MOK: variants seen among roughly 807,000 people sequenced by gnomAD.
MOK encodes the protein MOK protein kinase, also known as MAPK/MAK/MRK overlapping kinase.
A neutral mutation model predicts 54.2 loss-of-function variants in MOK; 59 were observed. The ratio of observed to expected loss-of-function variants is 1.09; its 90% CI spans 0.88 to 1.35. MOK has a LOEUF of 1.35. MOK is among the 40% of genes most tolerant of loss of function. The probability of loss-of-function intolerance (pLI) is 0.00; values close to 1 mark genes in which losing one functional copy is unlikely to be tolerated. For synonymous variants in MOK, 210 were observed against 202.7 expected, an observed-to-expected ratio of 1.04 and a Z score of -0.31; for missense variants, 517 against 526.2, an observed-to-expected ratio of 0.98 and a Z score of 0.17.
rs775664516 is a variant in MOK, at chr14:102,233,753, G to T, written c.627C>A (p.Asp209Glu). 1.2e-6 allele frequency: 2 copies of T among 1,614,156 alleles called. No individual in the cohort carries two copies. Among genetic ancestry groups the T allele is most frequent in the Non-Finnish European group, 1.7e-6 (2 of 1,179,996 alleles). Residue 209 changes from aspartate (D) to glutamate (E), a missense_variant, in exon 8 of 12, where the codon GAC becomes GAA. Coordinates refer to ENST00000361847, the MANE Select transcript of MOK (RefSeq NM_014226.3). ...TGACATCGTGGATTTTTGAGATTTG[G>T]TCCAGTTCATTTACTCCAGGAAAGA... ...QPLFPGVNEL[D>E]QISKIHDVIG... is the part of the protein sequence containing the mutation.
At chr14:102,253,330 TG>T (rs2066681909) in intron 4 of MOK, among the ~76,000 whole-genome samples, 1 of 152,208 alleles carries the variant, frequency 6.6e-6, no homozygotes, top group Non-Finnish European at 1.5e-5. Context: ...ATGGTTTCAG[TG>T]GGAACAGCAC....
downstream of MOK, chr14:102,224,480 A>G: frequency 2.4e-6 from 1 of 412,482 alleles, no homozygotes; most frequent in Non-Finnish European, 4.8e-6. Flanking sequence ...TATTTTTTTA[A>G]AAAATCATAT....
rs1234766845 is a variant in MOK, at chr14:102,266,515, A to T, written c.123-603T>A. Among the ~76,000 whole-genome samples, 5 of 151,966 alleles carry T rather than the reference A, an allele frequency of 3.3e-5. No individual in the cohort carries two copies. In the East Asian group the frequency reaches 9.6e-4, roughly 29 times the overall value. ...TCGGCCCGCCTCAGCCACCCAAAGT[A>T]CTGTGATTACAAGCGTGAGCCACTG... On this transcript the variant is annotated intron_variant, in intron 2 of 11. Transcript: ENST00000361847.
chr14:102,263,670 A>G, intron 3 of MOK, 54 bp from the exon 4 acceptor site: 1 of 1,196,558 alleles, frequency 8.4e-7, no homozygotes, highest in South Asian at 1.4e-5. Context: ...ATCAGAAAAT[A>G]TAATCCAATA....
At chr14:102,224,795 C>T, downstream of MOK, 1 of 455,876 alleles carries the variant, frequency 2.2e-6, no homozygotes, top group Non-Finnish European at 4.4e-6. Context: ...AGTGAGTCTT[C>T]TAGAAAGAGA....
At chr14:102,229,917 G>A (rs561476991) in intron 10 of MOK, 26 of 457,342 alleles carry the variant, frequency 5.7e-5, no homozygotes, top group South Asian at 2.9e-4. Flanking sequence ...CAAAGGGCTC[G>A]CGGGCTGTGG....
chr14:102,214,984 A>G, the MOK span: 1 of 985,044 alleles, frequency 1.0e-6, no homozygotes. Context: ...CATTAAATAA[A>G]CGTGTGTGAG....
the MOK span, among the ~76,000 whole-genome samples, chr14:102,217,550 G>A: frequency 6.6e-6 from 1 of 152,218 alleles, no homozygotes; most frequent in Non-Finnish European, 1.5e-5. Flanking sequence ...TATAACTGAG[G>A]TCCCAAGCCA....
At chr14:102,219,122 G>T in the MOK span, among the ~76,000 whole-genome samples, 2 of 152,234 alleles carry the variant, frequency 1.3e-5, no homozygotes, top group African/African-American at 4.8e-5. Context: ...CTGCAGCCGG[G>T]ATCCTTCCAT....
intron 2 of MOK, among the ~76,000 whole-genome samples, chr14:102,273,150 AC>A (rs1433486533): frequency 7.9e-5 from 12 of 152,062 alleles, no homozygotes; most frequent in African/African-American, 2.9e-4. Context: ...AGCATGGGCA[AC>A]AGAGCAAAAC....
chr14:102,299,181 C>A, intron 1 of MOK, among the ~76,000 whole-genome samples: 1 of 152,084 alleles, frequency 6.6e-6, no homozygotes, highest in South Asian at 2.1e-4. Flanking sequence ...AAAAAAAAGA[C>A]AGTTTAAACC....
rs1411598080 is a variant in MOK at position 102,250,971 on chromosome 14, C to T, written c.431G>A (p.Gly144Glu). Residue 144 changes from glycine to glutamate, a missense_variant, in exon 7 of 12, where the codon GGG becomes GAG. Coordinates refer to ENST00000361847, the MANE Select transcript of MOK (RefSeq NM_014226.3). ...ILIKQDVLKL[G>E]DFGSCRSVYS... Reference sequence around the variant, plus strand: ...GACACTCCGGCAGGAGCCAAAGTCCCCTAATTTCAGGACATCCTGCTGGAA... The same window carrying T: ...GACACTCCGGCAGGAGCCAAAGTCCTCTAATTTCAGGACATCCTGCTGGAA... The T allele has an allele frequency of 6.2e-7, 1 of 1,613,868 alleles. No homozygotes were observed. The highest frequency in any genetic ancestry group is 8.5e-7 in the Non-Finnish European group (1 of 1,180,000).
At chr14:102,224,564 T>A (rs1001299600), downstream of MOK, 2 of 455,970 alleles carry the variant, frequency 4.4e-6, no homozygotes, top group Non-Finnish European at 8.8e-6. Flanking sequence ...TTTCTCTAAT[T>A]CATCACATTA....
intron 1 of MOK, among the ~76,000 whole-genome samples, chr14:102,294,321 G>C (rs534939150): frequency 9.2e-4 from 140 of 151,390 alleles, no homozygotes; most frequent in Non-Finnish European, 1.8e-3. Context: ...TGGTGGGCAC[G>C]TGTAGTCCCA....
rs1363102718 is a variant in MOK at position 102,228,942 on chromosome 14, C to G, written c.*347G>C. On this transcript the variant is annotated 3_prime_UTR_variant, in exon 12 of 12. Transcript: ENST00000361847. The stretch of plus-strand genomic sequence containing the variant: ...TGACCAGCAGCGCTGGGAAGGGACA[C>G]GCAGAACCCACCTTCCAACCACGCC... The G allele has an allele frequency of 6.6e-6, 2 of 302,508 alleles. No homozygotes were observed. Among genetic ancestry groups the G allele is most frequent in the Non-Finnish European group, 1.2e-5 (2 of 164,618 alleles). The allele number at this position is 302,508 out of a possible 1,614,324, so 18.7% of individuals were successfully genotyped here. A position where few individuals can be genotyped will look rare whatever the true frequency, so the allele number is the denominator to read the frequency against.
At chr14:102,256,563 C>T (rs902716591) in intron 4 of MOK, among the ~76,000 whole-genome samples, 13 of 151,664 alleles carry the variant, frequency 8.6e-5, no homozygotes, top group Non-Finnish European at 1.6e-4. Flanking sequence ...CAGAGCGAGA[C>T]TCCGTCTCAA....
chr14:102,264,345 CCAGT>C lies in MOK; in HGVS notation c.213-733_213-730del, dbSNP rs2067726213. 2.0e-5 allele frequency: 3 copies of C among 151,964 alleles called. No individual in the cohort carries two copies. In the South Asian group the frequency reaches 6.2e-4, roughly 32 times the overall value. 9.4% of individuals were successfully genotyped at this position (151,964 alleles called of 1,614,324 possible). On this transcript the variant is annotated intron_variant, in intron 3 of 11. Coordinates refer to ENST00000361847, the MANE Select transcript of MOK (RefSeq NM_014226.3). ...ACAATGGGAGAGTAAAAACCAAAAA[CCAGT>C]CAGGGGAAAAAGAGAAAAACGAGTC...
rs1025489365 is a variant in MOK, at chr14:102,233,705, G to C, written c.675C>G (p.Ile225Met). The C allele has an allele frequency of 1.2e-6, 2 of 1,613,482 alleles. No homozygotes were observed. Among genetic ancestry groups the C allele is most frequent in the Non-Finnish European group, 1.7e-6 (2 of 1,179,390 alleles). Residue 225 changes from isoleucine (I) to methionine (M), a missense_variant, in exon 8 of 12, where the codon ATC becomes ATG. By Grantham distance (10) the Ile-to-Met change is conservative. Transcript: ENST00000361847. ...ATACTTACTGTTTGAACTTGGTGAG[G>C]ATCTTCTGAGCGGGTGTGCCGATGA... ...HDVIGTPAQK[I>M]LTKFKQSRAM...
intron 1 of MOK, among the ~76,000 whole-genome samples, chr14:102,289,635 G>A (rs2070529188): frequency 6.6e-6 from 1 of 152,032 alleles, no homozygotes; most frequent in Non-Finnish European, 1.5e-5. Flanking sequence ...GATTACAGGT[G>A]TGTGCCACCA....
Sources: allele counts gnomAD v4.1 joint callset (sites outside exome capture counted in the v4.1 genomes callset), GRCh38; gene constraint gnomAD v4.1.1; transcripts MANE v1.5; gene names NCBI Gene and HGNC (gene_info 2026-07-23, HGNC 2026-07-21).